Variants in GLB1 observed in about 807,000 individuals in gnomAD.
The protein encoded by GLB1 is galactosidase beta 1, also known as beta-galactosidase.
GLB1 carries 56 observed loss-of-function variants against 74.0 expected under a neutral mutation model. That is an observed-to-expected ratio of 0.76 (90% CI 0.61 to 0.94). The LOEUF is 0.94. GLB1 is among the 40% of genes least tolerant of loss of function. GLB1 has a pLI of 0.00. For synonymous variants in GLB1, 323 were observed against 323.6 expected, an observed-to-expected ratio of 1.00 and a Z score of 0.02; for missense variants, 787 against 845.5, an observed-to-expected ratio of 0.93 and a Z score of 0.86.
intron 11 of GLB1, among the ~76,000 whole-genome samples, chr3:33,023,397 G>C (rs532180757): frequency 6.6e-6 from 1 of 152,294 alleles, no homozygotes; most frequent in South Asian, 2.1e-4. Flanking sequence ...ACAGGTATCT[G>C]ACACTAGGTG....
intron 1 of GLB1, among the ~76,000 whole-genome samples, chr3:33,086,250 T>C (rs1374674753): frequency 6.6e-6 from 1 of 152,146 alleles, no homozygotes; most frequent in Non-Finnish European, 1.5e-5. Flanking sequence ...TTATTGGTCA[T>C]TCTTGGAGGT....
At chr3:33,070,227 T>C (rs774330932) in intron 2 of GLB1, among the ~76,000 whole-genome samples, 3 of 152,230 alleles carry the variant, frequency 2.0e-5, no homozygotes, top group Non-Finnish European at 4.4e-5. Flanking sequence ...ATGTCCATTA[T>C]ATACTTGTTT....
chr3:33,096,816 G>A, intron 1 of GLB1, 195 bp downstream of exon 1: 1 of 1,362,384 alleles, frequency 7.3e-7, no homozygotes, highest in Non-Finnish European at 9.4e-7. Flanking sequence ...GGAAGGACGC[G>A]CGCCCCGCCC....
At chr3:33,079,644 T>C (rs972475366) in intron 1 of GLB1, among the ~76,000 whole-genome samples, 7 of 152,238 alleles carry the variant, frequency 4.6e-5, no homozygotes, top group African/African-American at 1.7e-4. Context: ...CATGTTTGTA[T>C]ATATACAAAT....
chr3:33,090,091 A>C (rs1700684440), intron 1 of GLB1, among the ~76,000 whole-genome samples: 1 of 152,226 alleles, frequency 6.6e-6, no homozygotes, highest in Admixed American at 6.5e-5. Flanking sequence ...AAGAGGTCAA[A>C]AATCTGGCTA....
At chr3:33,016,676 A>C in intron 14 of GLB1, 33 bp downstream of exon 14, 2 of 1,612,416 alleles carry the variant, frequency 1.2e-6, no homozygotes, top group Non-Finnish European at 8.5e-7. Context: ...GTCACCCCTT[A>C]AACCTTAGTC....
chr3:33,034,178 G>A lies in GLB1; in HGVS notation c.1069-9853C>T, dbSNP rs77798199. On this transcript the variant is annotated intron_variant, in intron 10 of 15. Transcript: ENST00000307363. ...CGACCCCTCAGGATATGACTCCTCC[G>A]TGAACTCTGTATGCTAGGTCCCCCA... 9.3e-3 allele frequency: 5,838 copies of A among 627,444 alleles called. 45 individuals carry two copies. The highest frequency in any genetic ancestry group is 0.016 in the Admixed American group (692 of 42,074). The allele number at this position is 627,444 out of a possible 1,614,324, so 38.9% of individuals were successfully genotyped here.
chr3:33,003,551 T>C (rs1048662105), intron 15 of GLB1, among the ~76,000 whole-genome samples: 11 of 152,220 alleles, frequency 7.2e-5, no homozygotes, highest in Non-Finnish European at 1.5e-5. Context: ...ACGGGACTTG[T>C]GCAACTGGAA....
At chr3:32,980,564 C>G in the GLB1 span, among the ~76,000 whole-genome samples, 1 of 152,118 alleles carries the variant, frequency 6.6e-6, no homozygotes, top group Non-Finnish European at 1.5e-5. Flanking sequence ...GGGTGGATCA[C>G]AAGGTTAGGA....
At chr3:33,035,202 T>C (rs111855158) in intron 10 of GLB1, among the ~76,000 whole-genome samples, 3 of 152,022 alleles carry the variant, frequency 2.0e-5, no homozygotes, top group African/African-American at 7.2e-5. Context: ...GAGGCCAAGG[T>C]GGGAGGATTG....
At chr3:33,087,575 GCGCGCACA>G (rs1700559705) in intron 1 of GLB1, among the ~76,000 whole-genome samples, 1 of 36,000 alleles carries the variant, frequency 2.8e-5, no homozygotes, top group Non-Finnish European at 5.1e-5. Context: ...GTCTCAGCAT[GCGCGCACA>G]CACACACACA....
At chr3:33,068,382 TA>T in intron 3 of GLB1, 92 bp from the exon 4 acceptor site, 1 of 1,548,124 alleles carries the variant, frequency 6.5e-7, no homozygotes. Flanking sequence ...TGGAAAAGAA[TA>T]AAAGCTTCAA....
At chr3:33,044,113 T>C (rs1280833606) in intron 10 of GLB1, among the ~76,000 whole-genome samples, 3 of 152,178 alleles carry the variant, frequency 2.0e-5, no homozygotes, top group African/African-American at 2.4e-5. Flanking sequence ...ATGTAGAATA[T>C]AGTCAACAAC....
chr3:33,016,441 C>A (rs987510039), intron 14 of GLB1, among the ~76,000 whole-genome samples: 2 of 152,174 alleles, frequency 1.3e-5, no homozygotes, highest in African/African-American at 4.8e-5. Flanking sequence ...ATTTTAATCT[C>A]CAACTTCTGG....
the GLB1 span, among the ~76,000 whole-genome samples, chr3:32,982,583 G>T: frequency 1.3e-5 from 2 of 151,874 alleles, no homozygotes; most frequent in Admixed American, 1.3e-4. Flanking sequence ...TATAGTTCTT[G>T]TTTTTACAAG....
At chr3:32,981,611 T>C in the GLB1 span, among the ~76,000 whole-genome samples, 1 of 151,696 alleles carries the variant, frequency 6.6e-6, no homozygotes, top group Non-Finnish European at 1.5e-5. Context: ...TCGTTTCAAC[T>C]AAAAATACAA....
At chr3:33,077,081 GTGT>G in intron 1 of GLB1, 1 of 1,358,940 alleles carries the variant, frequency 7.4e-7, no homozygotes, top group Non-Finnish European at 9.6e-7. Flanking sequence ...ATTAAAATTA[GTGT>G]CTCCCTCACC....
intron 10 of GLB1, chr3:33,034,616 C>T: frequency 1.4e-6 from 1 of 723,078 alleles, no homozygotes; most frequent in Non-Finnish European, 2.6e-6. Context: ...CAAATTGCTG[C>T]ACAAGTTCAA....
chr3:33,095,006 T>C (rs1261619535), intron 1 of GLB1, among the ~76,000 whole-genome samples: 1 of 151,570 alleles, frequency 6.6e-6, no homozygotes, highest in Admixed American at 6.6e-5. Flanking sequence ...AGGTCAGGAG[T>C]TCAAGACCAG....
Sources: gnomAD v4.1 joint callset for allele counts (sites outside exome capture counted in the v4.1 genomes callset) on GRCh38, gnomAD v4.1.1 for gene constraint, MANE v1.5 for transcripts, NCBI Gene and HGNC (gene_info 2026-07-23, HGNC 2026-07-21) for gene names.